DGKB: variants seen among roughly 807,000 people sequenced by gnomAD.
DGKB encodes the protein 90 kDa diacylglycerol kinase.
Under a neutral mutation model 114.3 loss-of-function variants are expected in DGKB, and 67 were observed. That is an observed-to-expected ratio of 0.59 (90% CI 0.48 to 0.72). The LOEUF is 0.72. Ranked by LOEUF, DGKB falls within the 30% of genes least tolerant of loss-of-function variation. The pLI is 0.00. For missense variants in DGKB, 907 were observed against 975.2 expected (o/e 0.93, Z 0.93); for synonymous variants, 398 against 323.1 (o/e 1.23, Z -2.49).
At chr7:14,562,083 G>C (rs1796739487) in intron 20 of DGKB, among the ~76,000 whole-genome samples, 1 of 152,224 alleles carries the variant, frequency 6.6e-6, no homozygotes. Flanking sequence ...GTGGTTAAAA[G>C]GGACCAAGGT....
chr7:14,612,217 T>C (rs920172995), intron 16 of DGKB, among the ~76,000 whole-genome samples: 1 of 150,856 alleles, frequency 6.6e-6, no homozygotes, highest in Non-Finnish European at 1.5e-5. Context: ...CACGGTCACC[T>C]GGGCTGGAGT....
At chr7:14,352,496 CAG>C (rs555966704) in intron 21 of DGKB, among the ~76,000 whole-genome samples, 33 of 63,604 alleles carry the variant, frequency 5.2e-4, no homozygotes, top group African/African-American at 2.7e-3. Context: ...TCCCACATTG[CAG>C]AGTCATACAA....
chr7:14,648,465 A>C (rs931909168), intron 13 of DGKB, among the ~76,000 whole-genome samples: 8 of 151,942 alleles, frequency 5.3e-5, no homozygotes, highest in African/African-American at 1.9e-4. Flanking sequence ...TAACAAACAG[A>C]AAGGACATCC....
chr7:14,735,290 C>A (rs545549235), intron 5 of DGKB, among the ~76,000 whole-genome samples: 2 of 152,262 alleles, frequency 1.3e-5, no homozygotes, highest in Admixed American at 1.3e-4. Flanking sequence ...CAACCCCTCA[C>A]CTCAGAATTT....
intron 4 of DGKB, among the ~76,000 whole-genome samples, chr7:14,750,978 A>G (rs1037913209): frequency 2.0e-5 from 3 of 151,118 alleles, no homozygotes; most frequent in African/African-American, 7.3e-5. Flanking sequence ...TAATTTTTGT[A>G]TTTTTAGTGG....
chr7:14,426,218 G>T (rs996274116), intron 21 of DGKB, among the ~76,000 whole-genome samples: 1 of 152,190 alleles, frequency 6.6e-6, no homozygotes, highest in Non-Finnish European at 1.5e-5. Context: ...CAGTGGCTCT[G>T]TCTACTATTG....
chr7:14,925,763 A>G (rs1784712557), intron 1 of DGKB, among the ~76,000 whole-genome samples: 1 of 152,170 alleles, frequency 6.6e-6, no homozygotes, highest in African/African-American at 2.4e-5. Flanking sequence ...TAACCTTGCA[A>G]AATTCACTTA....
chr7:14,274,735 G>C (rs758548227), intron 23 of DGKB, among the ~76,000 whole-genome samples: 3 of 151,932 alleles, frequency 2.0e-5, no homozygotes, highest in Admixed American at 6.6e-5. Context: ...CTTTCTTCTT[G>C]TTGTGTTCTC....
At chr7:14,699,595 CA>C (rs2129007582) in intron 7 of DGKB, among the ~76,000 whole-genome samples, 1 of 152,180 alleles carries the variant, frequency 6.6e-6, no homozygotes, top group African/African-American at 2.4e-5. Context: ...AAATAGTGGA[CA>C]ATTTTCAAAT....
At chr7:14,365,746 T>C (rs77945516) in intron 21 of DGKB, among the ~76,000 whole-genome samples, 3,911 of 152,150 alleles carry the variant, frequency 0.026, 77 homozygotes, top group South Asian at 0.11. Context: ...TAGTCAAGTG[T>C]TAATAAGCCT....
chr7:14,746,887 T>C (rs890634981), intron 4 of DGKB, among the ~76,000 whole-genome samples: 46 of 152,178 alleles, frequency 3.0e-4, no homozygotes, highest in African/African-American at 1.1e-3. Context: ...TCAAATACTT[T>C]GCTATAACAT....
At chr7:14,161,984 C>T (rs1321129885) in intron 25 of DGKB, among the ~76,000 whole-genome samples, 1 of 151,914 alleles carries the variant, frequency 6.6e-6, no homozygotes, top group Non-Finnish European at 1.5e-5. Flanking sequence ...GTATTCTATC[C>T]CAGGAAGATC....
At chr7:14,301,845 G>C (rs765283598) in intron 23 of DGKB, among the ~76,000 whole-genome samples, 5 of 152,128 alleles carry the variant, frequency 3.3e-5, no homozygotes, top group Non-Finnish European at 7.4e-5. Context: ...GGTTGATCAA[G>C]TGTACAGTGC....
At chr7:14,773,406 C>T (rs147421421) in intron 2 of DGKB, among the ~76,000 whole-genome samples, 33 of 151,772 alleles carry the variant, frequency 2.2e-4, no homozygotes, top group Admixed American at 9.9e-4. Flanking sequence ...ATAATGTGTT[C>T]GATTCAGATA....
chr7:14,694,147 G>A lies in DGKB; in HGVS notation c.639C>T (p.Thr213=), dbSNP rs768274455. Residue 213 remains threonine (T), a synonymous_variant, in exon 9 of 26, where the codon ACC becomes ACT. Transcript: ENST00000402815. ...MEEIDYDHDG[T]VSLEEWIQGG... is the part of the protein sequence containing the mutation. ...CTTGAATCCATTCCTCCAGAGACAC[G>A]GTTCCATCATGATCATAGTCAATTT... 1.8e-5 allele frequency: 29 copies of A among 1,588,174 alleles called. No individual in the cohort carries two copies. The highest frequency in any genetic ancestry group is 3.5e-5 in the Admixed American group (2 of 56,668).
chr7:14,672,846 A>G (rs1819197873), intron 13 of DGKB, 83 bp downstream of exon 13: 1 of 747,962 alleles, frequency 1.3e-6, no homozygotes. Context: ...ATGAAAAATT[A>G]TCTCTAGAAG....
At chr7:14,285,529 T>C (rs1800737731) in intron 23 of DGKB, among the ~76,000 whole-genome samples, 1 of 152,098 alleles carries the variant, frequency 6.6e-6, no homozygotes, top group Admixed American at 6.6e-5. Flanking sequence ...CAAAAGCCAA[T>C]AAAATATTAT....
chr7:14,527,571 T>A (rs1790843952), intron 20 of DGKB, among the ~76,000 whole-genome samples: 1 of 152,052 alleles, frequency 6.6e-6, no homozygotes, highest in African/African-American at 2.4e-5. Flanking sequence ...ATTCTCCAGA[T>A]CCTTATGCAT....
At chr7:14,890,934 T>C (rs1459706013) in intron 1 of DGKB, among the ~76,000 whole-genome samples, 1 of 151,024 alleles carries the variant, frequency 6.6e-6, no homozygotes, top group Non-Finnish European at 1.5e-5. Flanking sequence ...AAAGCTCCAA[T>C]GACTACACTT....
Sources: allele counts gnomAD v4.1 joint callset (sites outside exome capture counted in the v4.1 genomes callset), GRCh38; gene constraint gnomAD v4.1.1; transcripts MANE v1.5; gene names NCBI Gene and HGNC (gene_info 2026-07-23, HGNC 2026-07-21).